Variants in CAMK2D observed in about 807,000 individuals in gnomAD.
CAMK2D encodes calcium/calmodulin dependent protein kinase II delta.
A neutral mutation model predicts 84.0 loss-of-function variants in CAMK2D; 37 were observed. That is an observed-to-expected ratio of 0.44 (90% confidence interval 0.34 to 0.58). The LOEUF (loss-of-function observed/expected upper bound fraction) is 0.58, where lower values mean the gene tolerates loss of function less well. Among genes scored for constraint, CAMK2D ranks in the 20% least tolerant of loss-of-function variants. The pLI, the probability that CAMK2D is intolerant of heterozygous loss-of-function variation, is 0.02. For missense variants in CAMK2D, 448 were observed against 652.5 expected (o/e 0.69, Z 3.41); for synonymous variants, 202 against 212.5 (o/e 0.95, Z 0.43).
At chr4:113,539,572 T>TA (rs2098516297) in intron 6 of CAMK2D, among the ~76,000 whole-genome samples, 1 of 152,228 alleles carries the variant, frequency 6.6e-6, no homozygotes, top group African/African-American at 2.4e-5. Flanking sequence ...TGGAACATCT[T>TA]AGAGTTTTAT....
At chr4:113,674,729 CCA>C (rs1319951869) in intron 2 of CAMK2D, among the ~76,000 whole-genome samples, 1 of 151,926 alleles carries the variant, frequency 6.6e-6, no homozygotes, top group African/African-American at 2.4e-5. Flanking sequence ...TTGTGTTAAT[CCA>C]CAGATATTCT....
At chr4:113,560,137 G>A (rs1245900821) in intron 4 of CAMK2D, among the ~76,000 whole-genome samples, 2 of 152,222 alleles carry the variant, frequency 1.3e-5, no homozygotes, top group African/African-American at 2.4e-5. Flanking sequence ...GGCTACAGTC[G>A]GCTGAAAGCT....
At chr4:113,564,877 C>A (rs970240133) in intron 4 of CAMK2D, among the ~76,000 whole-genome samples, 1 of 151,956 alleles carries the variant, frequency 6.6e-6, no homozygotes, top group Non-Finnish European at 1.5e-5. Flanking sequence ...AATATGATGG[C>A]CCCTAAATTT....
intron 4 of CAMK2D, among the ~76,000 whole-genome samples, chr4:113,596,230 T>C (rs780675202): frequency 2.6e-5 from 4 of 152,242 alleles, no homozygotes; most frequent in Non-Finnish European, 4.4e-5. Context: ...ATCTGCAGAT[T>C]ACACTTCCAG....
intron 16 of CAMK2D, among the ~76,000 whole-genome samples, chr4:113,477,948 T>C (rs1383289395): frequency 1.3e-5 from 2 of 152,194 alleles, no homozygotes; most frequent in African/African-American, 4.8e-5. Context: ...CAAAATTTAA[T>C]GTATAGTAGA....
Position 113,761,191 on chromosome 4 carries a change from A to C in CAMK2D, c.-123T>G. 1.5e-5 allele frequency: 24 copies of C among 1,575,924 alleles called. No homozygotes were observed. Among genetic ancestry groups the C allele is most frequent in the Non-Finnish European group, 2.1e-5 (24 of 1,166,208 alleles). ...GGGCCGCTCTTACTTTCCTGGTCCG[A>C]AAGTAGCTCGCCCGCGAGGGAGTGT... On this transcript the variant is annotated 5_prime_UTR_variant, in exon 1 of 21. Coordinates refer to ENST00000511664, the MANE Select transcript of CAMK2D (RefSeq NM_001321571.2).
At chr4:113,499,153 T>C (rs181757556) in intron 16 of CAMK2D, among the ~76,000 whole-genome samples, 2 of 152,306 alleles carry the variant, frequency 1.3e-5, no homozygotes, top group East Asian at 1.9e-4. Context: ...ATCTATTTAT[T>C]TGGCTAAAAA....
chr4:113,499,533 C>T (rs2098000202), intron 16 of CAMK2D, among the ~76,000 whole-genome samples: 1 of 152,120 alleles, frequency 6.6e-6, no homozygotes, highest in African/African-American at 2.4e-5. Context: ...TACAACTTTA[C>T]AAGACTTTAT....
Position 113,720,694 on chromosome 4 carries a change from T to C in CAMK2D, c.160+38626A>G, listed in dbSNP as rs76017526. Among the ~76,000 whole-genome samples, 1,137 of 145,884 alleles carry C rather than the reference T, an allele frequency of 7.8e-3. 15 individuals carry two copies. The highest frequency in any genetic ancestry group is 0.03 in the African/African-American group (1,059 of 35,874). Reference sequence around the variant, plus strand: ...AAGCAAAAAATAATAATTTTAACAATAGAAATCATAATCACAGAAAAAAAA... The same window carrying C: ...AAGCAAAAAATAATAATTTTAACAACAGAAATCATAATCACAGAAAAAAAA... On this transcript the variant is annotated intron_variant, in intron 2 of 20. Transcript: ENST00000511664.
chr4:113,714,738 T>A (rs2099508370), intron 2 of CAMK2D, among the ~76,000 whole-genome samples: 1 of 152,182 alleles, frequency 6.6e-6, no homozygotes, highest in Admixed American at 6.5e-5. Flanking sequence ...TATGTAAGCA[T>A]TTAGAGCTAG....
rs143202655 is a variant in CAMK2D at position 113,716,493 on chromosome 4, A to T, written c.160+42827T>A. Among the ~76,000 whole-genome samples the T allele has an allele frequency of 3.4e-4, 52 of 152,126 alleles. No homozygotes were observed. The East Asian group carries it at 8.1e-3, about 24-fold the overall frequency. Reference sequence around the variant, plus strand: ...GGCAAAACCCCTGTCTCTACAAAAAATACAAAAATTAGCCACATGTGGTGG... The same window carrying T: ...GGCAAAACCCCTGTCTCTACAAAAATTACAAAAATTAGCCACATGTGGTGG... On this transcript the variant is annotated intron_variant, in intron 2 of 20. Transcript: ENST00000511664.
At chr4:113,567,806 G>A (rs1172535309) in intron 4 of CAMK2D, among the ~76,000 whole-genome samples, 1 of 152,126 alleles carries the variant, frequency 6.6e-6, no homozygotes, top group African/African-American at 2.4e-5. Flanking sequence ...AAATTAAAGA[G>A]CTAAAATAGT....
chr4:113,523,347 C>G (rs780538319), intron 8 of CAMK2D, among the ~76,000 whole-genome samples: 1 of 151,812 alleles, frequency 6.6e-6, no homozygotes, highest in Non-Finnish European at 1.5e-5. Flanking sequence ...TCACCTGGTG[C>G]GCTTGTTAAA....
intron 4 of CAMK2D, among the ~76,000 whole-genome samples, chr4:113,556,158 G>A (rs1286007979): frequency 6.6e-6 from 1 of 152,158 alleles, no homozygotes; most frequent in Non-Finnish European, 1.5e-5. Context: ...TCTAGAGATT[G>A]CAACACAGCA....
chr4:113,584,984 C>CT (rs1327398803), intron 4 of CAMK2D, among the ~76,000 whole-genome samples: 1 of 152,178 alleles, frequency 6.6e-6, no homozygotes, highest in African/African-American at 2.4e-5. Context: ...TCACTCTCCC[C>CT]TGCTGTTTAT....
chr4:113,696,709 T>C (rs1407745194), intron 2 of CAMK2D, among the ~76,000 whole-genome samples: 10 of 152,094 alleles, frequency 6.6e-5, no homozygotes, highest in African/African-American at 2.2e-4. Flanking sequence ...CCAGGTACTG[T>C]TCTAAGCACT....
intron 2 of CAMK2D, among the ~76,000 whole-genome samples, chr4:113,736,119 T>C (rs2099580635): frequency 9.5e-6 from 1 of 105,118 alleles, no homozygotes; most frequent in Non-Finnish European, 1.9e-5. Context: ...GCCACCTGAC[T>C]CACTAGTAGA....
chr4:113,518,099 G>A (rs1403325324), intron 8 of CAMK2D, among the ~76,000 whole-genome samples: 4 of 152,084 alleles, frequency 2.6e-5, no homozygotes. Context: ...GTTGAGTGAT[G>A]GTGTCCTGGT....
intron 8 of CAMK2D, among the ~76,000 whole-genome samples, chr4:113,519,833 C>T (rs1397042341): frequency 6.6e-6 from 1 of 152,074 alleles, no homozygotes; most frequent in Admixed American, 6.6e-5. Flanking sequence ...TTATTATCTG[C>T]ATTATATTAT....
Sources: allele counts gnomAD v4.1 joint callset (sites outside exome capture counted in the v4.1 genomes callset), GRCh38; gene constraint gnomAD v4.1.1; transcripts MANE v1.5; gene names NCBI Gene and HGNC (gene_info 2026-07-23, HGNC 2026-07-21).